P3H3: variants seen among roughly 807,000 people sequenced by gnomAD.
The protein encoded by P3H3 is prolyl 3-hydroxylase 3.
A neutral mutation model predicts 78.1 loss-of-function variants in P3H3; 64 were observed. That is an observed-to-expected ratio of 0.82 (90% CI 0.67 to 1.01). P3H3 has a LOEUF of 1.01. Among genes scored for constraint, P3H3 ranks in the 50% least tolerant of loss-of-function variants. The pLI is 0.00. For missense variants in P3H3, 975 were observed against 982.2 expected (o/e 0.99, Z 0.10); for synonymous variants, 425 against 416.7 (o/e 1.02, Z -0.24).
In P3H3 at chr12:6,829,818, C is replaced by T. The variant is rs149321043; in HGVS notation, c.499-41C>T. ...GGCCAGGGGGCAGAGGTCTGCCCCCCGTCCCAGGGCTCTGATGCCCTCCTC... is the reference window on the plus strand; with the variant it reads ...GGCCAGGGGGCAGAGGTCTGCCCCCTGTCCCAGGGCTCTGATGCCCTCCTC... On this transcript the variant is annotated intron_variant, in intron 1 of 14. Transcript: ENST00000290510. This position sits in a 1 kb window ranked among gnomAD's most constrained non-coding sequence, Gnocchi z 5.1. 4,482 of 1,612,008 alleles carry T rather than the reference C, an allele frequency of 2.8e-3. 119 individuals are homozygous for T. In the African/African-American group the frequency reaches 0.052, roughly 19 times the overall value.
At chr12:6,838,635 G>A (rs1943525682) in intron 13 of P3H3, among the ~76,000 whole-genome samples, 1 of 151,992 alleles carries the variant, frequency 6.6e-6, no homozygotes, top group Admixed American at 6.6e-5. Flanking sequence ...TGTGAAAATG[G>A]TTCCAATATC....
chr12:6,837,521 A>G lies in P3H3; in HGVS notation c.1659A>G (p.Glu553=). 6.2e-7 allele frequency: 1 copy of G among 1,612,202 alleles called. No individual in the cohort carries two copies. The highest frequency in any genetic ancestry group is 8.5e-7 in the Non-Finnish European group (1 of 1,179,226). The part of the protein sequence containing the change: ...RTLTQAYFSP[E]RPLHLSFTHL... ...TGACCCAGGCCTACTTCTCCCCGGA[A>G]CGGCCCCTGCATCTGTCCTTCACCC... Residue 553 remains glutamate, a synonymous_variant, in exon 11 of 15, where the codon GAA becomes GAG. Transcript: ENST00000290510.
intron 9 of P3H3, chr12:6,834,938 C>CAA (rs797042067): frequency 1.5e-4 from 13 of 86,458 alleles, no homozygotes; most frequent in East Asian, 6.3e-4. Flanking sequence ...AACTCCATCT[C>CAA]AAAAAAAAAA....
In P3H3 at chr12:6,833,982, C is replaced by T. The variant is rs1555121797; in HGVS notation, c.1391C>T (p.Ser464Leu). Residue 464 changes from serine (S) to leucine (L), a missense_variant, in exon 9 of 15, where the codon TCG becomes TTG. Physicochemically the swap from Ser to Leu is moderately radical, Grantham distance 145 (BLOSUM62 -2). Transcript: ENST00000290510. The stretch of plus-strand genomic sequence containing the variant: ...CAGGATTCCAGGCAGCTGAATGGGT[C>T]GGAGCGGGCGGTGTTGGATGGGCTG... ...LTQDSRQLNGSERAVLDGLLT... is the reference protein window; with the variant it reads ...LTQDSRQLNGLERAVLDGLLT... The T allele has an allele frequency of 3.1e-6, 5 of 1,613,694 alleles. No homozygotes were observed. Among genetic ancestry groups the T allele is most frequent in the African/African-American group, 2.7e-5 (2 of 74,906 alleles).
intron 9 of P3H3, among the ~76,000 whole-genome samples, chr12:6,836,430 C>T (rs929887108): frequency 3.9e-5 from 6 of 152,022 alleles, no homozygotes; most frequent in Non-Finnish European, 7.4e-5. Flanking sequence ...TGAGAGTGGT[C>T]GCGGAGGTGG....
chr12:6,838,669 T>C (rs1943526046), intron 13 of P3H3, among the ~76,000 whole-genome samples: 1 of 152,090 alleles, frequency 6.6e-6, no homozygotes, highest in South Asian at 2.1e-4. Flanking sequence ...GCATAGAGTC[T>C]GGTACTGCAT....
chr12:6,830,723 A>C lies in P3H3; in HGVS notation c.938A>C (p.Asp313Ala), dbSNP rs73258768. 2 of 1,613,894 alleles carry C rather than the reference A, an allele frequency of 1.2e-6. No individual in the cohort carries two copies. The highest frequency in any genetic ancestry group is 2.2e-5 in the East Asian group (1 of 44,872). ...CCTGGTCGCAGCTTCCCTGTCCCAG[A>C]CTTCCTTCCCAACCAGCTGAGGCGG... The part of the protein sequence containing the change: ...TRPGRSFPVP[D>A]FLPNQLRRLH... The change falls in exon 4 of 15, where the codon GAC becomes GCC. Residue 313 changes from aspartate to alanine, a missense_variant. Asp to Ala is a moderately radical substitution (Grantham distance 126, BLOSUM62 -2). Coordinates refer to ENST00000290510, the MANE Select transcript of P3H3 (RefSeq NM_014262.5).
In P3H3 at chr12:6,839,400, G is replaced by T. The variant is rs376420128; in HGVS notation, c.2150G>T (p.Arg717Leu). Residue 717 changes from arginine to leucine, a missense_variant, in exon 15 of 15, where the codon CGC becomes CTC. Coordinates refer to ENST00000290510, the MANE Select transcript of P3H3 (RefSeq NM_014262.5). The part of the protein sequence containing the change: ...SKDPSPEPPS[R>L]RHQRVQDKTG... ...GACCCTTCCCCAGAGCCCCCTAGCC[G>T]CAGGCACCAGAGGGTCCAAGACAAG... The T allele has an allele frequency of 7.7e-6, 12 of 1,552,234 alleles. No individual in the cohort carries two copies. The highest frequency in any genetic ancestry group is 1.0e-5 in the Non-Finnish European group (12 of 1,147,354).
Position 6,833,929 on chromosome 12 carries a change from C to G in P3H3, c.1338C>G (p.Val446=). ...GCTCTGTCTTTTCCCTGGCAGATGT[C>G]CTTCTCCTGGAGGGTGTGACCTTGA... ...KPKPLTYWKD[V]LLLEGVTLTQ... The change falls in exon 9 of 15, where the codon GTC becomes GTG. Residue 446 remains valine, a synonymous_variant. Coordinates refer to ENST00000290510, the MANE Select transcript of P3H3 (RefSeq NM_014262.5). 2.5e-6 allele frequency: 4 copies of G among 1,613,966 alleles called. No individual in the cohort carries two copies. Among genetic ancestry groups the G allele is most frequent in the Non-Finnish European group, 3.4e-6 (4 of 1,179,900 alleles).
intron 13 of P3H3, 73 bp from the exon 14 acceptor site, chr12:6,838,927 T>C (rs1943528510): frequency 7.3e-7 from 1 of 1,361,004 alleles, no homozygotes; most frequent in Non-Finnish European, 1.0e-6. Flanking sequence ...GTCCCCATCC[T>C]GCTCTAGGGA....
chr12:6,830,770 G>A lies in P3H3; in HGVS notation c.985G>A (p.Val329Met). ...GCGGCTACATGAGGCCCATGCTCAG[G>A]GTCAGTTGGGGAAGGGTGGAAACGG... ...LRRLHEAHAQ[V>M]GNLSQAIENV... is the part of the protein sequence containing the mutation. Residue 329 changes from valine (V) to methionine (M), a missense_variant and splice_region_variant, in exon 4 of 15, where the codon GTG (valine) becomes ATG (methionine). Physicochemically the swap from Val to Met is conservative, Grantham distance 21 (BLOSUM62 1). Transcript: ENST00000290510. The A allele has an allele frequency of 3.7e-6, 6 of 1,613,960 alleles. No individual in the cohort carries two copies. The highest frequency in any genetic ancestry group is 5.1e-6 in the Non-Finnish European group (6 of 1,179,874).
At chr12:6,830,933 C>T (rs150827215) in intron 4 of P3H3, 163 bp downstream of exon 4, 6 of 1,059,208 alleles carry the variant, frequency 5.7e-6, no homozygotes, top group Middle Eastern at 4.0e-4. Flanking sequence ...CCTCCTTTGG[C>T]GCCTGTGACA....
chr12:6,833,531 A>C, intron 6 of P3H3, 61 bp from the exon 7 acceptor site: 1 of 1,487,304 alleles, frequency 6.7e-7, no homozygotes, highest in Non-Finnish European at 9.4e-7. Context: ...TTTCAGCTCT[A>C]ATGTCAGGGA....
In P3H3 at chr12:6,839,728, C is replaced by T; in HGVS notation, c.*267C>T. On this transcript the variant is annotated 3_prime_UTR_variant, in exon 15 of 15. Coordinates refer to ENST00000290510, the MANE Select transcript of P3H3 (RefSeq NM_014262.5). ...GGACAGATGGGGAACACTGTGCCTC[C>T]CTGAACAGAAATGGCAGGGGAGGAG... The T allele has an allele frequency of 6.3e-6, 3 of 476,250 alleles. No homozygotes were observed. Among genetic ancestry groups the T allele is most frequent in the Non-Finnish European group, 1.1e-5 (3 of 264,816 alleles). The allele number at this position is 476,250 out of a possible 1,614,324, so 29.5% of individuals were successfully genotyped here.
At position 6,831,364 on chromosome 12, in the gene P3H3, T is replaced by G; in HGVS notation, c.1122+12T>G. On this transcript the variant is annotated intron_variant, in intron 5 of 14. Coordinates refer to ENST00000290510, the MANE Select transcript of P3H3 (RefSeq NM_014262.5). This position sits in a 1 kb window ranked among gnomAD's most constrained non-coding sequence, Gnocchi z 4.6. Reference sequence around the variant, plus strand: ...TCGGACCCAGAGAGGTAATCCCCTCTCCACGCTCACCTGGGAGGTAGCCCC... The same window carrying G: ...TCGGACCCAGAGAGGTAATCCCCTCGCCACGCTCACCTGGGAGGTAGCCCC... 6.2e-7 allele frequency: 1 copy of G among 1,613,378 alleles called. No homozygotes were observed. The highest frequency in any genetic ancestry group is 8.5e-7 in the Non-Finnish European group (1 of 1,179,776).
intron 6 of P3H3, among the ~76,000 whole-genome samples, chr12:6,833,195 A>T (rs1166785281): frequency 6.6e-6 from 1 of 152,080 alleles, no homozygotes; most frequent in East Asian, 1.9e-4. Flanking sequence ...AAAACAAAAA[A>T]CAACAACAAA....
At chr12:6,838,085 C>A in intron 13 of P3H3, 52 bp downstream of exon 13, 1 of 1,560,082 alleles carries the variant, frequency 6.4e-7, no homozygotes, top group South Asian at 1.2e-5. Context: ...GCTGTGGGGT[C>A]AGGATTCAAA....
At chr12:6,837,340 C>G (rs12302904) in intron 10 of P3H3, 83 bp from the exon 11 acceptor site, 1 of 1,514,714 alleles carries the variant, frequency 6.6e-7, no homozygotes, top group South Asian at 1.2e-5. Flanking sequence ...GGGTGGAGAG[C>G]GGCAGAGTTG....
At chr12:6,838,134 G>A (rs1943519395) in intron 13 of P3H3, 101 bp downstream of exon 13, 1 of 1,485,000 alleles carries the variant, frequency 6.7e-7, no homozygotes, top group East Asian at 2.5e-5. Flanking sequence ...AAATGGCCAG[G>A]GCTTTTAACC....
Sources: allele counts gnomAD v4.1 joint callset (sites outside exome capture counted in the v4.1 genomes callset), GRCh38; gene constraint gnomAD v4.1.1; non-coding constraint Gnocchi (gnomAD v3.1); transcripts MANE v1.5; gene names NCBI Gene and HGNC (gene_info 2026-07-23, HGNC 2026-07-21).